MAF: variants seen among roughly 807,000 people sequenced by gnomAD.
MAF encodes the protein MAF bZIP transcription factor.
In MAF, 10 loss-of-function variants were observed where a neutral mutation model predicts 22.0. That is an observed-to-expected ratio of 0.45 (90% CI 0.28 to 0.77). The LOEUF (loss-of-function observed/expected upper bound fraction) is 0.77. Ranked by LOEUF, MAF falls within the 30% of genes least tolerant of loss-of-function variation. MAF has a pLI of 0.12. For missense variants in MAF, 544 were observed against 548.4 expected (o/e 0.99, Z 0.08); for synonymous variants, 337 against 255.8 (o/e 1.32, Z -3.03).
chr16:79,266,279 A>G, the MAF span, among the ~76,000 whole-genome samples: 1 of 152,166 alleles, frequency 6.6e-6, no homozygotes, highest in Admixed American at 6.5e-5. Context: ...TTATGTCTAG[A>G]ATTTTCCATT....
At chr16:79,211,106 G>A in the MAF span, among the ~76,000 whole-genome samples, 7 of 151,340 alleles carry the variant, frequency 4.6e-5, no homozygotes, top group South Asian at 2.1e-4. Context: ...TAGCAGCACC[G>A]TGGGCAAAGC....
chr16:79,511,233 G>T, the MAF span, among the ~76,000 whole-genome samples: 1 of 151,816 alleles, frequency 6.6e-6, no homozygotes, highest in African/African-American at 2.4e-5. Flanking sequence ...ACCCCGAAAA[G>T]GAGTTTCCTT....
chr16:79,378,988 G>A, the MAF span, among the ~76,000 whole-genome samples: 1 of 152,188 alleles, frequency 6.6e-6, no homozygotes, highest in Non-Finnish European at 1.5e-5. Context: ...AAATTAAAGT[G>A]GGACCTTCTC....
At chr16:79,535,877 C>T in the MAF span, among the ~76,000 whole-genome samples, 15 of 152,130 alleles carry the variant, frequency 9.9e-5, no homozygotes, top group African/African-American at 3.6e-4. Context: ...GGCTGCATTG[C>T]TACTTTAGTT....
At chr16:79,268,780 G>A in the MAF span, among the ~76,000 whole-genome samples, 1 of 152,184 alleles carries the variant, frequency 6.6e-6, no homozygotes, top group Non-Finnish European at 1.5e-5. Flanking sequence ...AATTCTCACT[G>A]TGCTGCCGGC....
the MAF span, among the ~76,000 whole-genome samples, chr16:79,423,678 A>C: frequency 3.3e-5 from 5 of 152,338 alleles, no homozygotes; most frequent in African/African-American, 1.2e-4. Flanking sequence ...TATATTTGCT[A>C]TCTGGTCCTT....
chr16:79,599,089 G>GAC lies in MAF; in HGVS notation c.813_814insGT (p.Arg272ValfsTer4). 1 of 1,607,960 alleles carries GAC rather than the reference G, an allele frequency of 6.2e-7. No homozygotes were observed. Among genetic ancestry groups the GAC allele is most frequent in the Admixed American group, 1.7e-5 (1 of 59,886 alleles). On this transcript the variant is annotated frameshift_variant, in exon 1 of 2. Coordinates refer to ENST00000326043, the MANE Select transcript of MAF (RefSeq NM_005360.5). LOFTEE classifies it high-confidence loss of function. ...CCGCGCAGCTGCCGGTTCAGCTCGC[G>GAC]CACAGACATGGTCACCAGCTGCTCG...
At chr16:79,539,444 C>G in the MAF span, among the ~76,000 whole-genome samples, 6 of 152,134 alleles carry the variant, frequency 3.9e-5, no homozygotes, top group Non-Finnish European at 8.8e-5. Context: ...GTGGAGGTTG[C>G]AGTGAGCCGA....
the MAF span, among the ~76,000 whole-genome samples, chr16:79,459,669 C>G: frequency 6.6e-6 from 1 of 151,654 alleles, no homozygotes; most frequent in South Asian, 2.1e-4. Context: ...ACTTCCTGGG[C>G]TCAGGTGATT....
At chr16:79,392,141 A>T in the MAF span, among the ~76,000 whole-genome samples, 1 of 146,340 alleles carries the variant, frequency 6.8e-6, no homozygotes, top group Non-Finnish European at 1.5e-5. Context: ...GGAACTGGGG[A>T]GGGGGAGAGA....
At chr16:79,514,318 C>T in the MAF span, among the ~76,000 whole-genome samples, 1 of 152,148 alleles carries the variant, frequency 6.6e-6, no homozygotes, top group Admixed American at 6.5e-5. Flanking sequence ...AAATTGATTG[C>T]TGGGTTTTTG....
the MAF span, among the ~76,000 whole-genome samples, chr16:79,331,506 A>G: frequency 2.0e-5 from 3 of 152,172 alleles, no homozygotes; most frequent in Non-Finnish European, 4.4e-5. Context: ...CCTCATCTGT[A>G]AAATGGATCA....
At chr16:79,457,035 G>T in the MAF span, among the ~76,000 whole-genome samples, 3 of 152,044 alleles carry the variant, frequency 2.0e-5, no homozygotes, top group Non-Finnish European at 4.4e-5. Context: ...ACCTTGTAGG[G>T]ACTCATTGAA....
At chr16:79,495,085 C>G in the MAF span, among the ~76,000 whole-genome samples, 1 of 152,114 alleles carries the variant, frequency 6.6e-6, no homozygotes, top group Non-Finnish European at 1.5e-5. Context: ...TAGAAGTTCT[C>G]TAAACCAGGT....
At chr16:79,562,057 C>T in the MAF span, among the ~76,000 whole-genome samples, 2 of 152,158 alleles carry the variant, frequency 1.3e-5, no homozygotes, top group African/African-American at 2.4e-5. Flanking sequence ...TGGTCTTCAG[C>T]GTTCTAACAC....
chr16:79,406,992 G>A, the MAF span, among the ~76,000 whole-genome samples: 2 of 152,162 alleles, frequency 1.3e-5, no homozygotes, highest in Non-Finnish European at 2.9e-5. Flanking sequence ...GGGACAGTAG[G>A]CTGCCGGCGC....
At chr16:79,571,554 T>TA in the MAF span, among the ~76,000 whole-genome samples, 136 of 139,858 alleles carry the variant, frequency 9.7e-4, 1 homozygote, top group South Asian at 1.2e-3. Flanking sequence ...TTTTTTTTTT[T>TA]ACAAATGCAC....
At chr16:79,250,822 C>A in the MAF span, among the ~76,000 whole-genome samples, 1 of 152,152 alleles carries the variant, frequency 6.6e-6, no homozygotes, top group Non-Finnish European at 1.5e-5. Flanking sequence ...CTAGGGGGAT[C>A]AACCATCCCA....
At chr16:79,569,648 G>A in the MAF span, among the ~76,000 whole-genome samples, 10 of 152,236 alleles carry the variant, frequency 6.6e-5, 1 homozygote, top group African/African-American at 2.4e-4. Context: ...CCTTAGAACA[G>A]TGCTTCTTAG....
Sources: allele counts gnomAD v4.1 joint callset (sites outside exome capture counted in the v4.1 genomes callset), GRCh38; gene constraint gnomAD v4.1.1; transcripts MANE v1.5; gene names NCBI Gene and HGNC (gene_info 2026-07-23, HGNC 2026-07-21).